The following TSBP1 variants were observed in gnomAD, a reference collection of about 807,000 sequenced individuals.
The protein encoded by TSBP1 is testis expressed basic protein 1, also known as testis-expressed basic protein 1.
In TSBP1, 56 loss-of-function variants were observed where a neutral mutation model predicts 68.8. The ratio of observed to expected loss-of-function variants is 0.81; its 90% CI spans 0.66 to 1.02. The LOEUF (loss-of-function observed/expected upper bound fraction) is 1.02, where lower values mean the gene tolerates loss of function less well. TSBP1 is among the 50% of genes least tolerant of loss of function. The probability of loss-of-function intolerance (pLI) is 0.00; values close to 1 mark genes in which losing one functional copy is unlikely to be tolerated. For missense variants in TSBP1, 502 were observed against 641.2 expected (o/e 0.78, Z 2.34); for synonymous variants, 171 against 208.7 (o/e 0.82, Z 1.56).
intron 8 of TSBP1, among the ~76,000 whole-genome samples, chr6:32,350,588 C>T (rs377242131): frequency 1.4e-4 from 22 of 152,160 alleles, no homozygotes; most frequent in African/African-American, 4.6e-4. Flanking sequence ...ACCTGATCAC[C>T]AGCAGAAATC....
intron 16 of TSBP1, among the ~76,000 whole-genome samples, chr6:32,327,964 A>AT (rs771332320): frequency 0.049 from 6,675 of 136,116 alleles, 339 homozygotes; most frequent in African/African-American, 0.13. Context: ...ACTTATTATT[A>AT]TTTTTTTTTT....
At chr6:32,334,906 T>C (rs1769466723) in intron 14 of TSBP1, among the ~76,000 whole-genome samples, 1 of 152,016 alleles carries the variant, frequency 6.6e-6, no homozygotes, top group South Asian at 2.1e-4. Context: ...TGGTGGTGGG[T>C]GCCTGTAGTC....
chr6:32,349,563 A>G (rs568838252), intron 9 of TSBP1, 177 bp downstream of exon 9: 310 of 574,992 alleles, frequency 5.4e-4, no homozygotes, highest in Non-Finnish European at 9.0e-4. Flanking sequence ...AGAAACTTGC[A>G]TTTACTTTTG....
intron 9 of TSBP1, among the ~76,000 whole-genome samples, chr6:32,348,277 T>C (rs1771291076): frequency 6.6e-6 from 1 of 152,198 alleles, no homozygotes; most frequent in African/African-American, 2.4e-5. Context: ...AACTCCCAAA[T>C]ATTTTACCCT....
chr6:32,367,826 T>C (rs1009141118), intron 4 of TSBP1, 99 bp downstream of exon 4: 14 of 861,454 alleles, frequency 1.6e-5, no homozygotes, highest in Admixed American at 2.5e-5. Flanking sequence ...ACGAAAGATA[T>C]GCTGACTCAA....
chr6:32,310,761 A>ATTTTTTTTTT (rs199706394), intron 19 of TSBP1, among the ~76,000 whole-genome samples: 5 of 144,834 alleles, frequency 3.5e-5, no homozygotes, highest in Admixed American at 6.9e-5. Flanking sequence ...ATATATATAT[A>ATTTTTTTTTT]TTTTTAATCT....
At chr6:32,308,197 TA>T (rs1765961961) in intron 19 of TSBP1, among the ~76,000 whole-genome samples, 2 of 152,134 alleles carry the variant, frequency 1.3e-5, no homozygotes, top group African/African-American at 4.8e-5. Context: ...ATAGAAAAAT[TA>T]AAAAAATTTA....
At position 32,335,874 on chromosome 6, in the gene TSBP1, T is replaced by G. The variant is rs779160268; in HGVS notation, c.451+38A>C. The G allele has an allele frequency of 2.6e-6, 4 of 1,563,582 alleles. No homozygotes were observed. In the Admixed American group the frequency reaches 6.7e-5, roughly 26 times the overall value. ...CGATCCCTAAGATACTGCAGGAAAGTAAAATGCTCACTGTGGAGAATCAGA... is the reference window on the plus strand; with the variant it reads ...CGATCCCTAAGATACTGCAGGAAAGGAAAATGCTCACTGTGGAGAATCAGA... On this transcript the variant is annotated intron_variant, in intron 13 of 22. Coordinates refer to ENST00000612031, the Ensembl canonical transcript of TSBP1. The surrounding 1 kb of genome is among the most constrained non-coding windows in gnomAD (Gnocchi z 5.5).
At chr6:32,341,071 C>T (rs1452304137) in intron 9 of TSBP1, among the ~76,000 whole-genome samples, 2 of 152,176 alleles carry the variant, frequency 1.3e-5, no homozygotes, top group African/African-American at 4.8e-5. Context: ...GCTGGGATTA[C>T]AGGTGTGAGC....
intron 18 of TSBP1, chr6:32,320,066 C>T: frequency 2.2e-6 from 1 of 447,972 alleles, no homozygotes. Context: ...TCACTCACCA[C>T]TCACATGGTG....
intron 22 of TSBP1, among the ~76,000 whole-genome samples, chr6:32,295,349 C>CCAAAAA (rs1764587868): frequency 1.1e-5 from 1 of 90,846 alleles, no homozygotes; most frequent in Non-Finnish European, 2.4e-5. Context: ...CACACACACA[C>CCAAAAA]AAAAAAAAAA....
exon 23 of TSBP1, chr6:32,293,936 C>G: frequency 6.2e-7 from 1 of 1,612,544 alleles, no homozygotes; most frequent in Non-Finnish European, 8.5e-7. Context: ...GTTTTCTTCT[C>G]GGCTATTCTG....
chr6:32,355,114 A>G lies in TSBP1; in HGVS notation c.259+10T>C. The G allele has an allele frequency of 6.2e-7, 1 of 1,610,366 alleles. No homozygotes were observed. The highest frequency in any genetic ancestry group is 8.5e-7 in the Non-Finnish European group (1 of 1,178,156). ...ACAGTAGAATTGAAAGAAAACCACA[A>G]AGCACTTACCTAGAGAGTTGGTTGA... On this transcript the variant is annotated intron_variant, in intron 8 of 22. Transcript: ENST00000612031.
intron 9 of TSBP1, among the ~76,000 whole-genome samples, chr6:32,345,405 C>G (rs115169690): frequency 0.02 from 3,081 of 151,946 alleles, 89 homozygotes; most frequent in African/African-American, 0.064. Flanking sequence ...TAATTCTCAC[C>G]GAAATCATTT....
At position 32,310,761 on chromosome 6, in the gene TSBP1, A is replaced by ATATATTTTTT; in HGVS notation, c.580+5010_580+5011insAAAAAATATA. Among the ~76,000 whole-genome samples the ATATATTTTTT allele has an allele frequency of 2.3e-3, 326 of 144,820 alleles. 1 individual carries two copies. Among genetic ancestry groups the ATATATTTTTT allele is most frequent in the Non-Finnish European group, 3.4e-3 (225 of 66,410 alleles). On this transcript the variant is annotated intron_variant, in intron 19 of 22. Transcript: ENST00000612031. ...TATATATACATATATATATATATATATTTTTAATCTTTTTAGAAAGGATAG... is the reference window on the plus strand; with the variant it reads ...TATATATACATATATATATATATATATATATTTTTTTTTTTAATCTTTTTAGAAAGGATAG...
At chr6:32,323,453 G>T in intron 17 of TSBP1, 138 bp downstream of exon 18, 1 of 790,428 alleles carries the variant, frequency 1.3e-6, no homozygotes, top group Non-Finnish European at 2.2e-6. Context: ...ATGAGCAGAA[G>T]GCAGAGGAAA....
At chr6:32,297,751 C>T (rs17422797) in intron 22 of TSBP1, among the ~76,000 whole-genome samples, 9,277 of 152,140 alleles carry the variant, frequency 0.061, 481 homozygotes, top group East Asian at 0.084. Context: ...TAAACCTTAA[C>T]CTCCTTTTTC....
rs776561558 is a variant in TSBP1 at position 32,303,767 on chromosome 6, A to G, written c.581-1138T>C. On this transcript the variant is annotated intron_variant, in intron 19 of 22. Coordinates refer to ENST00000612031, the Ensembl canonical transcript of TSBP1. The stretch of plus-strand genomic sequence containing the variant: ...TGCAGCACTAGTGGTCCAAGTTTAG[A>G]TGTAATAAACTTTATGGAGGAAAAG... 3.9e-5 allele frequency among the ~76,000 whole-genome samples: 6 copies of G among 152,206 alleles called. 1 individual carries two copies. The South Asian group carries it at 6.2e-4, about 16-fold the overall frequency.
rs763745288 is a variant in TSBP1 at position 32,335,931 on chromosome 6, G to A, written c.432C>T (p.Pro144=). The A allele has an allele frequency of 1.8e-5, 29 of 1,608,624 alleles. No homozygotes were observed. The Middle Eastern group carries it at 5.0e-4, about 27-fold the overall frequency. ...ACTTACTGATAGGTCCTGTAGCTCC[G>A]GCTGTGAGAGAGAAAGAGGGAGAAA... is the stretch of plus-strand genomic sequence containing the variant. Residue 144 remains proline (P), a splice_region_variant and synonymous_variant, in exon 13 of 23, where the codon CCC becomes CCT. Transcript: ENST00000612031. The surrounding 1 kb of genome is among the most constrained non-coding windows in gnomAD (Gnocchi z 5.5).
Sources: allele counts gnomAD v4.1 joint callset (sites outside exome capture counted in the v4.1 genomes callset), GRCh38; gene constraint gnomAD v4.1.1; non-coding constraint Gnocchi (gnomAD v3.1); transcripts MANE v1.5; gene names NCBI Gene and HGNC (gene_info 2026-07-23, HGNC 2026-07-21).